Variants in PSMD9 observed in about 807,000 individuals in gnomAD.
The protein encoded by PSMD9 is proteasome 26S subunit, non-ATPase 9.
In PSMD9, 26 loss-of-function variants were observed where a neutral mutation model predicts 25.9. That is an observed-to-expected ratio of 1.00 (90% CI 0.73 to 1.39). The LOEUF is 1.39. PSMD9 is among the 40% of genes most tolerant of loss of function. The pLI, the probability that PSMD9 is intolerant of heterozygous loss-of-function variation, is 0.00. For missense variants in PSMD9, 303 were observed against 299.3 expected (o/e 1.01, Z -0.09); for synonymous variants, 110 against 114.5 (o/e 0.96, Z 0.25).
chr12:121,912,006 C>CTTGCTTAT (rs1555214481), intron 4 of PSMD9, among the ~76,000 whole-genome samples: 16 of 136,586 alleles, frequency 1.2e-4, no homozygotes, highest in South Asian at 4.8e-4. Context: ...AATGAGCTTG[C>CTTGCTTAT]TTATTTATTT....
intron 3 of PSMD9, among the ~76,000 whole-genome samples, chr12:121,901,653 C>T (rs1879399541): frequency 6.8e-6 from 1 of 147,484 alleles, no homozygotes; most frequent in South Asian, 2.1e-4. Flanking sequence ...TCATGCCTGG[C>T]CCTTCATTCC....
chr12:121,888,885 G>C lies in PSMD9; in HGVS notation c.29G>C (p.Gly10Ala). 1 of 1,603,112 alleles carries C rather than the reference G, an allele frequency of 6.2e-7. No homozygotes were observed. The highest frequency in any genetic ancestry group is 1.7e-5 in the Admixed American group (1 of 58,198). Residue 10 changes from glycine (G) to alanine (A), a missense_variant, in exon 1 of 6, where the codon GGA becomes GCA. Gly to Ala is a moderately conservative substitution (Grantham distance 60, BLOSUM62 0). Coordinates refer to ENST00000541212, the MANE Select transcript of PSMD9 (RefSeq NM_002813.7). ...TCCGACGAGGAAGCGAGGCAGAGCG[G>C]AGGCTCCTCGCAGGCCGGCGTCGTG... Reference protein sequence around the residue: MSDEEARQSGGSSQAGVVTV... With the variant: MSDEEARQSAGSSQAGVVTV...
At chr12:121,911,872 C>G (rs932305578) in intron 4 of PSMD9, among the ~76,000 whole-genome samples, 5 of 151,682 alleles carry the variant, frequency 3.3e-5, no homozygotes, top group Admixed American at 6.6e-5. Flanking sequence ...AGGCTCGCCT[C>G]GAACTCCTGA....
rs756680019 is a variant in PSMD9 at position 121,894,818 on chromosome 12, G to A, written c.218G>A (p.Arg73His). The change falls in exon 2 of 6, where the codon CGC becomes CAC. Residue 73 changes from arginine to histidine, a missense_variant. Physicochemically the swap from Arg to His is conservative, Grantham distance 29. Transcript: ENST00000541212. The stretch of plus-strand genomic sequence containing the variant: ...TCAGACGTGGACCTGTACCAAGTCC[G>A]CACCGCCAGGCACAACATCATATGT... Reference protein sequence around the residue: ...PRSDVDLYQVRTARHNIICLQ... With the variant: ...PRSDVDLYQVHTARHNIICLQ... 3.7e-6 allele frequency: 6 copies of A among 1,613,352 alleles called. No individual in the cohort carries two copies. Among genetic ancestry groups the A allele is most frequent in the East Asian group, 4.5e-5 (2 of 44,874 alleles).
rs373766396 is a variant in PSMD9 at position 121,910,539 on chromosome 12, A to G, written c.556-5317A>G. Among the ~76,000 whole-genome samples the G allele has an allele frequency of 7.9e-5, 12 of 151,844 alleles. No individual in the cohort carries two copies. The East Asian group carries it at 9.8e-4, about 12-fold the overall frequency. On this transcript the variant is annotated intron_variant, in intron 4 of 5. Coordinates refer to ENST00000541212, the MANE Select transcript of PSMD9 (RefSeq NM_002813.7). ...CACTTTGGGAGGCCAAGGTGGGCGGATCACCTGAGGTCAGGAGCTGGAGAC... is the reference window on the plus strand; with the variant it reads ...CACTTTGGGAGGCCAAGGTGGGCGGGTCACCTGAGGTCAGGAGCTGGAGAC...
intron 3 of PSMD9, 128 bp from the exon 4 acceptor site, chr12:121,902,876 CTT>C (rs1361863791): frequency 1.4e-6 from 1 of 719,066 alleles, no homozygotes; most frequent in Non-Finnish European, 2.4e-6. Context: ...TCCCTGACCT[CTT>C]TGTTCTGAGC....
At chr12:121,900,676 C>T (rs1879368504) in intron 3 of PSMD9, among the ~76,000 whole-genome samples, 1 of 151,386 alleles carries the variant, frequency 6.6e-6, no homozygotes, top group Admixed American at 6.6e-5. Context: ...TTACCACAAT[C>T]AATTTTCTTT....
At chr12:121,910,430 A>G (rs1481944215) in intron 4 of PSMD9, among the ~76,000 whole-genome samples, 2 of 151,490 alleles carry the variant, frequency 1.3e-5, no homozygotes, top group Non-Finnish European at 2.9e-5. Context: ...TAGACCTGAC[A>G]TATTTATTTT....
chr12:121,905,537 T>C (rs1879530633), intron 4 of PSMD9, among the ~76,000 whole-genome samples: 1 of 151,400 alleles, frequency 6.6e-6, no homozygotes, highest in African/African-American at 2.4e-5. Context: ...TTTTCTTTTT[T>C]TTTTCTTTAA....
chr12:121,905,542 C>G (rs1312720969), intron 4 of PSMD9, among the ~76,000 whole-genome samples: 1 of 144,940 alleles, frequency 6.9e-6, no homozygotes, highest in Non-Finnish European at 1.5e-5. Flanking sequence ...TTTTTTTTTT[C>G]TTTAAGATGG....
chr12:121,910,023 A>T (rs929740643), intron 4 of PSMD9, among the ~76,000 whole-genome samples: 1 of 150,952 alleles, frequency 6.6e-6, no homozygotes, highest in Non-Finnish European at 1.5e-5. Context: ...TAGCTTTCCC[A>T]ACTATGTTAC....
Position 121,916,318 on chromosome 12 carries a change from C to T in PSMD9, c.*7C>T, listed in dbSNP as rs1565897350. 1 of 1,613,864 alleles carries T rather than the reference C, an allele frequency of 6.2e-7. No homozygotes were observed. Among genetic ancestry groups the T allele is most frequent in the Admixed American group, 1.7e-5 (1 of 60,014 alleles). On this transcript the variant is annotated 3_prime_UTR_variant, in exon 6 of 6. Coordinates refer to ENST00000541212, the MANE Select transcript of PSMD9 (RefSeq NM_002813.7). ...TATTCCTCTGCAAAGATGATTGTCC[C>T]TGGGGAACAGTAACAGGAAAGCATC...
chr12:121,901,006 AAG>A (rs1491424423), intron 3 of PSMD9, among the ~76,000 whole-genome samples: 7 of 150,668 alleles, frequency 4.6e-5, no homozygotes, highest in African/African-American at 1.7e-4. Context: ...AAAAAAAAAA[AAG>A]GAGATGGGGT....
intron 2 of PSMD9, among the ~76,000 whole-genome samples, chr12:121,896,025 A>G (rs1251158701): frequency 6.6e-6 from 1 of 151,688 alleles, no homozygotes; most frequent in South Asian, 2.1e-4. Context: ...TTATTTTTTG[A>G]GACGGAGTCT....
intron 4 of PSMD9, among the ~76,000 whole-genome samples, chr12:121,911,932 C>T (rs1020736432): frequency 3.3e-5 from 5 of 151,888 alleles, no homozygotes; most frequent in South Asian, 2.1e-4. Context: ...GGATTGCAGG[C>T]GTGAACCACC....
intron 1 of PSMD9, among the ~76,000 whole-genome samples, chr12:121,890,074 C>T (rs976130319): frequency 2.6e-5 from 4 of 152,074 alleles, no homozygotes; most frequent in South Asian, 2.1e-4. Flanking sequence ...AGCGCCAGTA[C>T]GCCAGGCTAA....
rs1297305311 is a variant in PSMD9 at position 121,888,954 on chromosome 12, TAGA to T, written c.101_103del (p.Glu34del). 6 of 1,591,754 alleles carry T rather than the reference TAGA, an allele frequency of 3.8e-6. No homozygotes were observed. Among genetic ancestry groups the T allele is most frequent in the Non-Finnish European group, 5.1e-6 (6 of 1,169,844 alleles). On this transcript the variant is annotated inframe_deletion, in exon 1 of 6. Transcript: ENST00000541212. ...GAGCTGATGCGGCGCAAGGAGGAGA[TAGA>T]AGCGCAGATCAAGGCCAACTATGAC...
rs149152173 is a variant in PSMD9, at chr12:121,901,439, C to T, written c.454-1567C>T. Among the ~76,000 whole-genome samples, 289 of 152,198 alleles carry T rather than the reference C, an allele frequency of 1.9e-3. 3 individuals are homozygous for T. The highest frequency in any genetic ancestry group is 6.6e-3 in the African/African-American group (274 of 41,532). ...TCATAGCTCACTGCAACCTCAAACT[C>T]GCAGAGTCAAGTGATCCTCCTGTCT... On this transcript the variant is annotated intron_variant, in intron 3 of 5. Transcript: ENST00000541212.
At chr12:121,909,367 G>T (rs535040655) in intron 4 of PSMD9, among the ~76,000 whole-genome samples, 2 of 151,138 alleles carry the variant, frequency 1.3e-5, no homozygotes, top group East Asian at 1.9e-4. Flanking sequence ...AGGCTGGAGT[G>T]CAGTGGTGCA....
Sources: allele counts gnomAD v4.1 joint callset (sites outside exome capture counted in the v4.1 genomes callset), GRCh38; gene constraint gnomAD v4.1.1; transcripts MANE v1.5; gene names NCBI Gene and HGNC (gene_info 2026-07-23, HGNC 2026-07-21).